The following TENM4 variants were observed in gnomAD, a reference collection of about 807,000 sequenced individuals.
TENM4 encodes the protein teneurin-4.
TENM4 carries 82 observed loss-of-function variants against 243.3 expected under a neutral mutation model. The ratio of observed to expected loss-of-function variants is 0.34; its 90% confidence interval spans 0.28 to 0.40. The LOEUF is 0.40. Among genes scored for constraint, TENM4 ranks in the 10% least tolerant of loss-of-function variants. The probability of loss-of-function intolerance (pLI) is 1.00; values close to 1 mark genes in which losing one functional copy is unlikely to be tolerated. For synonymous variants in TENM4, 1,412 were observed against 1,456.3 expected, an observed-to-expected ratio of 0.97 and a Z score of 0.69; for missense variants, 3,138 against 3,673.3, an observed-to-expected ratio of 0.85 and a Z score of 3.77.
chr11:79,192,095 G>A (rs900049954), intron 3 of TENM4, among the ~76,000 whole-genome samples: 6 of 149,272 alleles, frequency 4.0e-5, no homozygotes, highest in East Asian at 2.0e-4. Context: ...GGGAGGTGGG[G>A]GGGGGTCAGC....
chr11:79,175,031 T>C (rs1239940361), intron 3 of TENM4, among the ~76,000 whole-genome samples: 1 of 152,216 alleles, frequency 6.6e-6, no homozygotes, highest in East Asian at 1.9e-4. Flanking sequence ...ACATCTGTCT[T>C]TATTTGACTT....
intron 1 of TENM4, among the ~76,000 whole-genome samples, chr11:79,427,222 A>G (rs1859071365): frequency 6.6e-6 from 1 of 152,240 alleles, no homozygotes; most frequent in Non-Finnish European, 1.5e-5. Flanking sequence ...ACGGATCAGC[A>G]CATTGTCAGA....
At chr11:79,207,937 C>T (rs545887042) in intron 3 of TENM4, among the ~76,000 whole-genome samples, 1 of 150,552 alleles carries the variant, frequency 6.6e-6, no homozygotes, top group African/African-American at 2.4e-5. Context: ...AAAGTCTGGG[C>T]TTCCTCTGGA....
intron 11 of TENM4, 64 bp downstream of exon 11, chr11:78,855,900 C>A: frequency 6.7e-7 from 1 of 1,488,576 alleles, no homozygotes; most frequent in Non-Finnish European, 9.1e-7. Flanking sequence ...GGCTTCTTAA[C>A]TTTGGGTTAA....
At chr11:78,938,920 G>C (rs1363399719) in intron 6 of TENM4, among the ~76,000 whole-genome samples, 4 of 152,134 alleles carry the variant, frequency 2.6e-5, no homozygotes, top group African/African-American at 4.8e-5. Context: ...GAAGAGATTT[G>C]GACTAACGAA....
intron 3 of TENM4, among the ~76,000 whole-genome samples, chr11:79,183,119 T>C (rs976870489): frequency 3.9e-5 from 6 of 152,192 alleles, no homozygotes; most frequent in African/African-American, 1.2e-4. Flanking sequence ...ATGTGTATAG[T>C]ACTTTTATTA....
intron 1 of TENM4, among the ~76,000 whole-genome samples, chr11:79,373,348 G>A (rs1207459276): frequency 6.6e-6 from 1 of 151,312 alleles, no homozygotes; most frequent in East Asian, 1.9e-4. Context: ...ATGGATGGAT[G>A]GATGGATCGA....
intron 1 of TENM4, among the ~76,000 whole-genome samples, chr11:79,327,650 T>A (rs899611659): frequency 2.0e-4 from 1 of 4,886 alleles, no homozygotes; most frequent in Non-Finnish European, 4.9e-4. Flanking sequence ...ATTGGAAAGC[T>A]TTTTTTTTTT....
chr11:78,992,025 C>T (rs182714566), intron 6 of TENM4, among the ~76,000 whole-genome samples: 1 of 152,314 alleles, frequency 6.6e-6, no homozygotes, highest in East Asian at 1.9e-4. Flanking sequence ...AAAATAGTGA[C>T]TCATTAACTT....
intron 1 of TENM4, among the ~76,000 whole-genome samples, chr11:79,419,237 T>C (rs1249022222): frequency 6.6e-6 from 1 of 152,172 alleles, no homozygotes; most frequent in East Asian, 1.9e-4. Flanking sequence ...CATGGCAATG[T>C]TGAATCAAGA....
intron 6 of TENM4, among the ~76,000 whole-genome samples, chr11:79,004,509 C>T (rs1858422725): frequency 1.3e-5 from 2 of 152,082 alleles, no homozygotes; most frequent in Admixed American, 6.6e-5. Flanking sequence ...ATTAAACAAC[C>T]TTTTGTGTAA....
chr11:78,900,864 G>A (rs1232795487), intron 7 of TENM4, among the ~76,000 whole-genome samples: 1 of 152,148 alleles, frequency 6.6e-6, no homozygotes, highest in African/African-American at 2.4e-5. Context: ...TGTTAGTTTT[G>A]TGCCTTCAAC....
chr11:78,743,469 G>A (rs750212080), intron 19 of TENM4, among the ~76,000 whole-genome samples: 1 of 152,182 alleles, frequency 6.6e-6, no homozygotes, highest in Non-Finnish European at 1.5e-5. Context: ...AATTATTTAT[G>A]CAATGAATAA....
rs1485219947 is a variant in TENM4, at chr11:79,058,355, AAC to A, written c.493+6381_493+6382del. Among the ~76,000 whole-genome samples the A allele has an allele frequency of 2.0e-5, 3 of 152,220 alleles. No homozygotes were observed. In the East Asian group the frequency reaches 5.8e-4, roughly 29 times the overall value. On this transcript the variant is annotated intron_variant, in intron 6 of 33. Coordinates refer to ENST00000278550, the MANE Select transcript of TENM4 (RefSeq NM_001098816.3). ...TCAGGAGATCGAGACCATCCTGGCT[AAC>A]ACAGTGAAACCCTGTCTCTACTAAA...
intron 6 of TENM4, among the ~76,000 whole-genome samples, chr11:78,905,103 C>A (rs984596823): frequency 6.6e-5 from 10 of 152,174 alleles, no homozygotes; most frequent in Admixed American, 1.3e-4. Context: ...ACTGTGAGAT[C>A]AAATGAGGCA....
At chr11:78,728,513 T>G in intron 22 of TENM4, among the ~76,000 whole-genome samples, 2 of 138,382 alleles carry the variant, frequency 1.4e-5, no homozygotes, top group East Asian at 2.5e-4. Flanking sequence ...CCTCCCTCCC[T>G]TCCCTCTTCC....
intron 4 of TENM4, among the ~76,000 whole-genome samples, chr11:79,122,229 G>A (rs1305681605): frequency 6.6e-6 from 1 of 152,112 alleles, no homozygotes; most frequent in African/African-American, 2.4e-5. Flanking sequence ...ATAATGCAAG[G>A]AAATAAGGAA....
At chr11:79,181,734 A>G (rs1863285057) in intron 3 of TENM4, among the ~76,000 whole-genome samples, 1 of 152,088 alleles carries the variant, frequency 6.6e-6, no homozygotes, top group Admixed American at 6.5e-5. Flanking sequence ...CCTGGAACTA[A>G]TAAGCAATTA....
intron 2 of TENM4, among the ~76,000 whole-genome samples, chr11:79,230,183 C>T (rs529456807): frequency 6.6e-6 from 1 of 152,286 alleles, no homozygotes; most frequent in South Asian, 2.1e-4. Flanking sequence ...ATTTTAGCCA[C>T]ACCTTGAAGA....
Sources: gnomAD v4.1 joint callset for allele counts (sites outside exome capture counted in the v4.1 genomes callset) on GRCh38, gnomAD v4.1.1 for gene constraint, MANE v1.5 for transcripts, NCBI Gene and HGNC (gene_info 2026-07-23, HGNC 2026-07-21) for gene names.